Variants in NMUR2 observed in about 807,000 individuals in gnomAD.
The protein encoded by NMUR2 is neuromedin U receptor 2.
NMUR2 carries 24 observed loss-of-function variants against 25.1 expected under a neutral mutation model. That is an observed-to-expected ratio of 0.96 (90% CI 0.69 to 1.34). The LOEUF is 1.34. Ranked by LOEUF, NMUR2 falls within the 40% of genes most tolerant of loss-of-function variation. The pLI is 0.00. For missense variants in NMUR2, 533 were observed against 512.8 expected (o/e 1.04, Z -0.38); for synonymous variants, 218 against 208.1 (o/e 1.05, Z -0.41).
chr5:152,401,173 T>C (rs192507037), intron 1 of NMUR2, among the ~76,000 whole-genome samples: 12 of 152,330 alleles, frequency 7.9e-5, no homozygotes, highest in African/African-American at 2.9e-4. Context: ...AAAGTAGATA[T>C]TCAACCATTC....
At chr5:152,394,843 G>A (rs1753122187) in intron 3 of NMUR2, among the ~76,000 whole-genome samples, 1 of 99,232 alleles carries the variant, frequency 1.0e-5, no homozygotes, top group Admixed American at 1.5e-4. Flanking sequence ...TGTACAGGAG[G>A]CTTTTTTTTT....
chr5:152,404,588 G>C lies in NMUR2; in HGVS notation c.526C>G (p.Leu176Val). 1 of 1,614,154 alleles carries C rather than the reference G, an allele frequency of 6.2e-7. No individual in the cohort carries two copies. The highest frequency in any genetic ancestry group is 8.5e-7 in the Non-Finnish European group (1 of 1,180,032). ...ATGCTGGTGTTGGGCAGGGAGAAGA[G>C]CACGGAGAAGCCCCAGACGATGCCG... Reference protein sequence around the residue: ...ILGIVWGFSVLFSLPNTSIHG... With the variant: ...ILGIVWGFSVVFSLPNTSIHG... Residue 176 changes from leucine to valine, a missense_variant, in exon 1 of 4, where the codon CTC becomes GTC. Coordinates refer to ENST00000255262, the MANE Select transcript of NMUR2 (RefSeq NM_020167.5).
rs1042691113 is a variant in NMUR2, at chr5:152,395,460, T to G, written c.936A>C (p.Ser312=). Residue 312 remains serine, a splice_region_variant and synonymous_variant, in exon 3 of 4, where the codon TCA becomes TCC. Coordinates refer to ENST00000255262, the MANE Select transcript of NMUR2 (RefSeq NM_020167.5). ...AAVFNLVHVV[S]GVFFYLSSAV... ...CACCAAATCCAGCTAAGGTTTTACC[T>G]GACACCACATGGACGAGGTTGAACA... 4 of 1,613,360 alleles carry G rather than the reference T, an allele frequency of 2.5e-6. No individual in the cohort carries two copies. Among genetic ancestry groups the G allele is most frequent in the Admixed American group, 1.7e-5 (1 of 59,942 alleles).
intron 2 of NMUR2, among the ~76,000 whole-genome samples, chr5:152,396,270 G>T (rs1210505673): frequency 6.6e-6 from 1 of 150,454 alleles, no homozygotes; most frequent in Non-Finnish European, 1.5e-5. Context: ...ACTTTGCTAT[G>T]ACATGACTCT....
At chr5:152,397,978 C>G in intron 2 of NMUR2, 82 bp downstream of exon 2, 2 of 931,992 alleles carry the variant, frequency 2.1e-6, no homozygotes, top group East Asian at 2.4e-5. Flanking sequence ...GGAACCTACC[C>G]CAGCAGCATT....
In NMUR2 at chr5:152,395,479, T is replaced by A; in HGVS notation, c.917A>T (p.Asn306Ile). Residue 306 changes from asparagine (N) to isoleucine (I), a missense_variant, in exon 3 of 4, where the codon AAC becomes ATC. Transcript: ENST00000255262. ...EWSESLAAVF[N>I]LVHVVSGVFF... ...TTTACCTGACACCACATGGACGAGG[T>A]TGAACACAGCAGCCAGGGATTCACT... is the stretch of plus-strand genomic sequence containing the variant. The A allele has an allele frequency of 6.2e-7, 1 of 1,613,350 alleles. No homozygotes were observed. Among genetic ancestry groups the A allele is most frequent in the Non-Finnish European group, 8.5e-7 (1 of 1,179,652 alleles).
At chr5:152,398,209 T>C (rs1051668874) in intron 1 of NMUR2, 65 bp from the exon 2 acceptor site, 4 of 1,165,926 alleles carry the variant, frequency 3.4e-6, no homozygotes, top group South Asian at 2.6e-5. Flanking sequence ...TGTTAAAATC[T>C]GAGAAACATA....
intron 2 of NMUR2, among the ~76,000 whole-genome samples, chr5:152,396,040 T>C (rs1017913441): frequency 6.6e-6 from 1 of 152,160 alleles, no homozygotes; most frequent in East Asian, 1.9e-4. Context: ...ACAAGCCTAA[T>C]AGTACTTTAC....
Position 152,405,131 on chromosome 5 carries a change from G to A in NMUR2, c.-18C>T. ...CCTGACATTAAAATCCAAGGCCTGA[G>A]CCTCCCCTGGTACGAGGCTCTGTTT... On this transcript the variant is annotated 5_prime_UTR_variant, in exon 1 of 4. Transcript: ENST00000255262. The A allele has an allele frequency of 6.3e-7, 1 of 1,581,490 alleles. No homozygotes were observed. Among genetic ancestry groups the A allele is most frequent in the East Asian group, 2.3e-5 (1 of 44,350 alleles).
chr5:152,398,692 A>G (rs1753205195), intron 1 of NMUR2, among the ~76,000 whole-genome samples: 1 of 152,090 alleles, frequency 6.6e-6, no homozygotes, highest in Non-Finnish European at 1.5e-5. Context: ...TCTACCTTCC[A>G]CACTCACATC....
At chr5:152,402,170 C>T (rs1753268363) in intron 1 of NMUR2, among the ~76,000 whole-genome samples, 1 of 152,064 alleles carries the variant, frequency 6.6e-6, no homozygotes, top group African/African-American at 2.4e-5. Flanking sequence ...CAGGGATGCT[C>T]AGGGAATCTG....
Position 152,392,332 on chromosome 5 carries a change from G to A in NMUR2, c.1107C>T (p.Cys369=), listed in dbSNP as rs1428657859. The change falls in exon 4 of 4, where the codon TGC becomes TGT. Residue 369 remains cysteine (C), a synonymous_variant. Coordinates refer to ENST00000255262, the MANE Select transcript of NMUR2 (RefSeq NM_020167.5). The part of the protein sequence containing the change: ...PAQRNIFLTE[C]HFVELTEDIG... ...TATCTTCGGTCAGCTCCACAAAGTG[G>A]CATTCTGTCAGGAAGATGTTCCGCT... 2.5e-6 allele frequency: 4 copies of A among 1,614,060 alleles called. No individual in the cohort carries two copies. Among genetic ancestry groups the A allele is most frequent in the Non-Finnish European group, 3.4e-6 (4 of 1,179,958 alleles).
intron 2 of NMUR2, among the ~76,000 whole-genome samples, chr5:152,396,101 A>G (rs1753143493): frequency 6.6e-6 from 1 of 152,136 alleles, no homozygotes; most frequent in South Asian, 2.1e-4. Flanking sequence ...AAATTGCTAC[A>G]GCACAGAATT....
rs1456988886 is a variant in NMUR2, at chr5:152,404,777, A to G, written c.337T>C (p.Leu113=). Residue 113 remains leucine (L), a synonymous_variant, in exon 1 of 4, where the codon TTG becomes CTG. Coordinates refer to ENST00000255262, the MANE Select transcript of NMUR2 (RefSeq NM_020167.5). ...VYEMWRNYPF[L]FGPVGCYFKT... ...AAGTAGCAGCCCACGGGCCCGAACA[A>G]GAAAGGGTAGTTGCGCCACATCTCA... is the stretch of plus-strand genomic sequence containing the variant. 1 of 1,614,040 alleles carries G rather than the reference A, an allele frequency of 6.2e-7. No homozygotes were observed. Among genetic ancestry groups the G allele is most frequent in the Admixed American group, 1.7e-5 (1 of 60,004 alleles).
At position 152,398,075 on chromosome 5, in the gene NMUR2, C is replaced by CTGATTT. The variant is rs1189894773; in HGVS notation, c.790_795dup (p.Lys264_Ser265dup). On this transcript the variant is annotated inframe_insertion, in exon 2 of 4. Transcript: ENST00000255262. Reference sequence around the variant, plus strand: ...GGGCACTTACACAGCATCTTGTTGACTGATTTTCTGCAGGGTCTTTGAATA... The same window carrying CTGATTT: ...GGGCACTTACACAGCATCTTGTTGACTGATTTTGATTTTCTGCAGGGTCTTTGAATA... 6.2e-7 allele frequency: 1 copy of CTGATTT among 1,613,092 alleles called. No homozygotes were observed. Among genetic ancestry groups the CTGATTT allele is most frequent in the Admixed American group, 1.7e-5 (1 of 59,970 alleles).
At chr5:152,404,321 C>T (rs1384111420) in intron 1 of NMUR2, 67 bp downstream of exon 1, 1 of 1,513,464 alleles carries the variant, frequency 6.6e-7, no homozygotes, top group East Asian at 2.3e-5. Flanking sequence ...CTAAGTTTTT[C>T]TCTGAACTTT....
At position 152,405,204 on chromosome 5, in the gene NMUR2, A is replaced by C; in HGVS notation, c.-91T>G. ...AAAAAAAAGAAAAAAGGAAAACAAAAAAGAGAAAGCAGTCACGAAAGTCAC... is the reference window on the plus strand; with the variant it reads ...AAAAAAAAGAAAAAAGGAAAACAAACAAGAGAAAGCAGTCACGAAAGTCAC... On this transcript the variant is annotated 5_prime_UTR_variant, in exon 1 of 4. Transcript: ENST00000255262. The C allele has an allele frequency of 7.0e-7, 1 of 1,434,872 alleles. No homozygotes were observed. The highest frequency in any genetic ancestry group is 9.3e-7 in the Non-Finnish European group (1 of 1,071,382). The allele number at this position is 1,434,872 out of a possible 1,614,324, so 88.9% of individuals were successfully genotyped here. A position where few individuals can be genotyped will look rare whatever the true frequency, so the allele number is the denominator to read the frequency against.
intron 1 of NMUR2, among the ~76,000 whole-genome samples, chr5:152,400,798 T>C (rs189503906): frequency 1.3e-5 from 2 of 152,294 alleles, no homozygotes; most frequent in Non-Finnish European, 2.9e-5. Flanking sequence ...ACTTCCTGCC[T>C]TGTGTTTAAC....
In NMUR2 at chr5:152,404,656, CGGAACGGGTGTAG is replaced by C; in HGVS notation, c.445_457del (p.Leu149AlafsTer77). 6.2e-7 allele frequency: 1 copy of C among 1,613,708 alleles called. No individual in the cohort carries two copies. The highest frequency in any genetic ancestry group is 1.1e-5 in the South Asian group (1 of 91,072). On this transcript the variant is annotated frameshift_variant, in exon 1 of 4. Transcript: ENST00000255262. LOFTEE classifies it high-confidence loss of function. Reference sequence around the variant, plus strand: ...GCGCCGGGTGCTCTGCAGTTTGGCGCGGAACGGGTGTAGGATGGCCACGTAGCGCTCCACGCTG... The same window carrying C: ...GCGCCGGGTGCTCTGCAGTTTGGCGCGATGGCCACGTAGCGCTCCACGCTG...
Sources: allele counts gnomAD v4.1 joint callset (sites outside exome capture counted in the v4.1 genomes callset), GRCh38; gene constraint gnomAD v4.1.1; transcripts MANE v1.5; gene names NCBI Gene and HGNC (gene_info 2026-07-23, HGNC 2026-07-21).